The following SYNJ2 variants were observed in gnomAD, a reference collection of about 807,000 sequenced individuals.
SYNJ2 encodes synaptojanin 2, also known as polyphosphatidylinositol phosphatase SYNJ2.
Under a neutral mutation model 141.3 loss-of-function variants are expected in SYNJ2, and 116 were observed. The ratio of observed to expected loss-of-function variants is 0.82; its 90% CI spans 0.71 to 0.96. The LOEUF (loss-of-function observed/expected upper bound fraction) is 0.96, where lower values mean the gene tolerates loss of function less well. SYNJ2 is among the 40% of genes least tolerant of loss of function. The pLI is 0.00. For missense variants in SYNJ2, 1,873 were observed against 1,934.8 expected, an observed-to-expected ratio of 0.97 and a Z score of 0.60; for synonymous variants, 745 against 777.7, an observed-to-expected ratio of 0.96 and a Z score of 0.70.
In SYNJ2 at chr6:157,982,077, TG is replaced by T; in HGVS notation, c.118del (p.Ala40ProfsTer28). 1 of 1,335,150 alleles carries T rather than the reference TG, an allele frequency of 7.5e-7. No individual in the cohort carries two copies. The highest frequency in any genetic ancestry group is 9.6e-7 in the Non-Finnish European group (1 of 1,044,678). 82.7% of individuals were successfully genotyped at this position (1,335,150 alleles called of 1,614,324 possible). A position where few individuals can be genotyped will look rare whatever the true frequency, so the allele number is the denominator to read the frequency against. On this transcript the variant is annotated frameshift_variant, in exon 1 of 27. Transcript: ENST00000355585. LOFTEE classifies it high-confidence loss of function. This position sits in a 1 kb window ranked among gnomAD's most constrained non-coding sequence, Gnocchi z 4.0. ...DDCLLFEAGTVATLAPEEKEV... is the reference protein window; with the variant it reads ...DDCLLFEAGTXATLAPEEKEV... ...TGCCTGCTGTTCGAGGCCGGCACGG[TG>T]GCCACGCTGGGTGAGTCCGGGCCGG... is the stretch of plus-strand genomic sequence containing the variant.
At chr6:158,009,594 A>G (rs1412319336) in intron 1 of SYNJ2, among the ~76,000 whole-genome samples, 1 of 152,200 alleles carries the variant, frequency 6.6e-6, no homozygotes, top group Non-Finnish European at 1.5e-5. Flanking sequence ...GCCAAAGGGG[A>G]AGCAAAGACA....
intron 12 of SYNJ2, chr6:158,067,311 G>A (rs980376336): frequency 1.8e-5 from 10 of 556,616 alleles, no homozygotes; most frequent in South Asian, 1.6e-4. Context: ...GCGCCACCGC[G>A]CCTGGCCCTG....
chr6:158,088,353 C>T (rs1029636458), intron 23 of SYNJ2, among the ~76,000 whole-genome samples: 5 of 151,944 alleles, frequency 3.3e-5, no homozygotes, highest in African/African-American at 9.7e-5. Context: ...TATTTGGAAC[C>T]ATTTCAAAAT....
chr6:157,986,654 C>T (rs901019968), intron 1 of SYNJ2, among the ~76,000 whole-genome samples: 2 of 152,176 alleles, frequency 1.3e-5, no homozygotes, highest in Admixed American at 6.5e-5. Context: ...ATTTTTGTAG[C>T]TCACCTGTAA....
intron 15 of SYNJ2, among the ~76,000 whole-genome samples, chr6:158,074,034 G>C (rs983327515): frequency 6.6e-6 from 1 of 152,064 alleles, no homozygotes; most frequent in Non-Finnish European, 1.5e-5. Flanking sequence ...GAAGAGACAG[G>C]GAAGGCAAGG....
At chr6:157,992,204 T>A (rs9365678) in intron 1 of SYNJ2, among the ~76,000 whole-genome samples, 8,065 of 152,078 alleles carry the variant, frequency 0.053, 565 homozygotes, top group East Asian at 0.32. Context: ...CAAGTACCAG[T>A]TCTTATTCAT....
At chr6:158,014,809 A>C (rs901316477) in intron 1 of SYNJ2, among the ~76,000 whole-genome samples, 15 of 152,230 alleles carry the variant, frequency 9.9e-5, no homozygotes, top group African/African-American at 3.6e-4. Context: ...CAGCCAGTCC[A>C]TGCTGGTTCC....
chr6:158,022,107 A>G (rs1378091630), intron 2 of SYNJ2, among the ~76,000 whole-genome samples: 1 of 152,164 alleles, frequency 6.6e-6, no homozygotes, highest in Non-Finnish European at 1.5e-5. Context: ...AGGGTTCTGA[A>G]CCTGCGGGTG....
intron 22 of SYNJ2, among the ~76,000 whole-genome samples, chr6:158,085,202 G>A (rs12529356): frequency 0.17 from 26,417 of 151,578 alleles, 2,727 homozygotes; most frequent in Middle Eastern, 0.36. Flanking sequence ...TGCATTTTTT[G>A]TAGAGACGGG....
chr6:158,060,399 G>C (rs1041478141), intron 7 of SYNJ2, among the ~76,000 whole-genome samples: 7 of 152,200 alleles, frequency 4.6e-5, no homozygotes. Flanking sequence ...GGGGCTCCTG[G>C]TTCCTTTACC....
chr6:158,073,622 TC>T (rs1217631194), intron 15 of SYNJ2, among the ~76,000 whole-genome samples: 2 of 152,356 alleles, frequency 1.3e-5, no homozygotes, highest in African/African-American at 4.8e-5. Context: ...GTGAGAATGA[TC>T]AGTATCCATG....
chr6:158,066,613 C>T lies in SYNJ2; in HGVS notation c.1695C>T (p.Leu565=), dbSNP rs1781582544. The change falls in exon 12 of 27, where the codon CTC becomes CTT. Residue 565 remains leucine, a synonymous_variant. Coordinates refer to ENST00000355585, the MANE Select transcript of SYNJ2 (RefSeq NM_003898.4). ...LTDWLLDSPQ[L]SGATDSQDDS... is the part of the protein sequence containing the mutation. The stretch of plus-strand genomic sequence containing the variant: ...ACTGGCTGCTCGACTCGCCCCAGCT[C>T]TCGGGAGCTACCGACTCCCAGGGTG... 1.2e-6 allele frequency: 2 copies of T among 1,613,670 alleles called. No homozygotes were observed. The highest frequency in any genetic ancestry group is 1.3e-5 in the African/African-American group (1 of 74,924).
At chr6:157,994,254 G>A (rs1486907721) in intron 1 of SYNJ2, among the ~76,000 whole-genome samples, 2 of 152,192 alleles carry the variant, frequency 1.3e-5, no homozygotes, top group African/African-American at 2.4e-5. Context: ...GGAGGTGACC[G>A]TTCTCTGCAG....
At chr6:158,037,550 C>T (rs895461833) in intron 4 of SYNJ2, among the ~76,000 whole-genome samples, 4 of 151,788 alleles carry the variant, frequency 2.6e-5, no homozygotes, top group Admixed American at 6.6e-5. Flanking sequence ...TACAGGCGCC[C>T]GCCACCACGC....
At chr6:158,063,284 T>G (rs1273070850) in intron 8 of SYNJ2, among the ~76,000 whole-genome samples, 1 of 151,990 alleles carries the variant, frequency 6.6e-6, no homozygotes, top group African/African-American at 2.4e-5. Flanking sequence ...GTGTGTGTCC[T>G]GGGGTCTGCC....
Position 157,982,024 on chromosome 6 carries a change from G to A in SYNJ2, c.63G>A (p.Val21=). The A allele has an allele frequency of 7.5e-6, 10 of 1,334,226 alleles. No individual in the cohort carries two copies. The highest frequency in any genetic ancestry group is 9.6e-6 in the Non-Finnish European group (10 of 1,045,984). The allele number at this position is 1,334,226 out of a possible 1,614,324, so 82.6% of individuals were successfully genotyped here. The change falls in exon 1 of 27, where the codon GTG becomes GTA. Residue 21 remains valine (V), a synonymous_variant. Transcript: ENST00000355585. The surrounding 1 kb of genome is among the most constrained non-coding windows in gnomAD (Gnocchi z 4.0). ...GRLGAEGDCS[V]LLEARGRDDC... ...TGGGGGCCGAGGGGGACTGTAGCGT[G>A]CTGCTGGAGGCGCGCGGCCGCGACG...
chr6:158,047,804 A>C lies in SYNJ2; in HGVS notation c.795+4405A>C, dbSNP rs530797405. Among the ~76,000 whole-genome samples the C allele has an allele frequency of 8.0e-4, 113 of 141,610 alleles. 1 individual carries two copies. Among genetic ancestry groups the C allele is most frequent in the Admixed American group, 3.3e-3 (44 of 13,440 alleles). 92.9% of individuals were successfully genotyped at this position (141,610 alleles called of 152,430 possible). A position where few individuals can be genotyped will look rare whatever the true frequency, so the allele number is the denominator to read the frequency against. ...AAAAAAAAAAAAAAAAAAAAAAAAAAACACACAGTATCTAGAATCTAAAAA... is the reference window on the plus strand; with the variant it reads ...AAAAAAAAAAAAAAAAAAAAAAAAACACACACAGTATCTAGAATCTAAAAA... On this transcript the variant is annotated intron_variant, in intron 5 of 26. Coordinates refer to ENST00000355585, the MANE Select transcript of SYNJ2 (RefSeq NM_003898.4).
chr6:157,983,030 G>T (rs1316071748), intron 1 of SYNJ2, among the ~76,000 whole-genome samples: 2 of 152,200 alleles, frequency 1.3e-5, no homozygotes, highest in Non-Finnish European at 2.9e-5. Context: ...ACCACTAGGC[G>T]TCCAGCTGTA....
Position 158,097,554 on chromosome 6 carries a change from T to C in SYNJ2, c.*1190T>C, listed in dbSNP as rs1023608473. 3.3e-5 allele frequency: 5 copies of C among 152,248 alleles called. No individual in the cohort carries two copies. The highest frequency in any genetic ancestry group is 2.0e-4 in the Admixed American group (3 of 15,288). 9.4% of individuals were successfully genotyped at this position (152,248 alleles called of 1,614,324 possible). On this transcript the variant is annotated 3_prime_UTR_variant, in exon 27 of 27. Coordinates refer to ENST00000355585, the MANE Select transcript of SYNJ2 (RefSeq NM_003898.4). ...GAAGTTCAGTAGTGAAATCTTACTGTACCGCCTGTTGTATCTGGGAGCCTC... is the reference window on the plus strand; with the variant it reads ...GAAGTTCAGTAGTGAAATCTTACTGCACCGCCTGTTGTATCTGGGAGCCTC...
Sources: gnomAD v4.1 joint callset for allele counts (sites outside exome capture counted in the v4.1 genomes callset) on GRCh38, gnomAD v4.1.1 for gene constraint, Gnocchi (gnomAD v3.1) non-coding constraint, MANE v1.5 for transcripts, NCBI Gene and HGNC (gene_info 2026-07-23, HGNC 2026-07-21) for gene names.